The following DRC9 variants were observed in gnomAD, a reference collection of about 807,000 sequenced individuals.
The protein encoded by DRC9 is dynein regulatory complex subunit 9.
chr3:197,932,290 GCTGAAAAACTGCCTGTAAGGAGAA>G, the DRC9 span: 2 of 1,609,208 alleles, frequency 1.2e-6, no homozygotes, highest in Non-Finnish European at 1.7e-6. Flanking sequence ...CAATCACATC[GCTGAAAAACTGCCTGTAAGGAGAA>G]ACAGACCAAC....
the DRC9 span, among the ~76,000 whole-genome samples, chr3:197,923,829 G>A: frequency 6.6e-6 from 1 of 152,172 alleles, no homozygotes; most frequent in Non-Finnish European, 1.5e-5. Flanking sequence ...TGCTTTGAGA[G>A]GCCAAGGAGG....
At chr3:197,950,926 T>C in the DRC9 span, 6 of 1,613,960 alleles carry the variant, frequency 3.7e-6, no homozygotes, top group East Asian at 8.9e-5. Flanking sequence ...ATCTTTTTGT[T>C]TGTTTTAAGG....
At chr3:197,916,644 G>C in the DRC9 span, among the ~76,000 whole-genome samples, 3 of 151,956 alleles carry the variant, frequency 2.0e-5, no homozygotes, top group African/African-American at 7.3e-5. Context: ...AGTGTCACCA[G>C]CATAGCTCAC....
chr3:197,896,819 C>T, the DRC9 span, among the ~76,000 whole-genome samples: 1 of 152,142 alleles, frequency 6.6e-6, no homozygotes, highest in African/African-American at 2.4e-5. Context: ...TGGATTTCAA[C>T]ATATGGATTT....
chr3:197,926,951 C>A, the DRC9 span, among the ~76,000 whole-genome samples: 1 of 152,184 alleles, frequency 6.6e-6, no homozygotes, highest in Non-Finnish European at 1.5e-5. Context: ...GACTAACACA[C>A]TTGCCATGGT....
At chr3:197,925,787 T>A in the DRC9 span, among the ~76,000 whole-genome samples, 2 of 151,966 alleles carry the variant, frequency 1.3e-5, no homozygotes, top group East Asian at 3.9e-4. Flanking sequence ...TTTCACCATG[T>A]TGGCCAGGCT....
chr3:197,953,531 G>GACAC, the DRC9 span: 3 of 457,180 alleles, frequency 6.6e-6, no homozygotes, highest in South Asian at 4.6e-5. Flanking sequence ...TTCCGGCCAG[G>GACAC]ACACACACTC....
At chr3:197,901,326 C>A in the DRC9 span, among the ~76,000 whole-genome samples, 1 of 152,176 alleles carries the variant, frequency 6.6e-6, no homozygotes, top group East Asian at 1.9e-4. This position sits in a 1 kb window ranked among gnomAD's most constrained non-coding sequence, Gnocchi z 4.4. Flanking sequence ...TTAGTAGAGA[C>A]CAGGTTTCAC....
the DRC9 span, chr3:197,932,439 C>T: frequency 1.9e-6 from 1 of 531,028 alleles, no homozygotes; most frequent in Non-Finnish European, 3.2e-6. Context: ...TCAAGACCAT[C>T]CTGGCCAACA....
the DRC9 span, chr3:197,950,152 A>T: frequency 8.1e-7 from 1 of 1,231,068 alleles, no homozygotes; most frequent in African/African-American, 1.5e-5. Flanking sequence ...GAGTCGAAAG[A>T]TGTTTAATCC....
At chr3:197,944,076 A>T in the DRC9 span, 2 of 1,596,100 alleles carry the variant, frequency 1.3e-6, no homozygotes, top group Non-Finnish European at 1.7e-6. Context: ...AAGAAAAAAT[A>T]AGTCAGCAAC....
the DRC9 span, among the ~76,000 whole-genome samples, chr3:197,922,159 G>T: frequency 1.3e-5 from 2 of 152,062 alleles, no homozygotes; most frequent in Non-Finnish European, 2.9e-5. Context: ...GCAGAATCTT[G>T]GTTTCTTAAC....
At chr3:197,922,534 C>T in the DRC9 span, among the ~76,000 whole-genome samples, 1 of 151,900 alleles carries the variant, frequency 6.6e-6, no homozygotes, top group Admixed American at 6.6e-5. Flanking sequence ...GGTGAAACCC[C>T]ATCTCTACTA....
chr3:197,942,526 G>C, the DRC9 span, among the ~76,000 whole-genome samples: 36 of 149,892 alleles, frequency 2.4e-4, no homozygotes, highest in Admixed American at 6.7e-4. Context: ...TTTACTGTTA[G>C]AAATGAAAAG....
chr3:197,953,359 A>G, the DRC9 span: 2 of 443,872 alleles, frequency 4.5e-6, no homozygotes, highest in African/African-American at 4.0e-5. Context: ...CTGGGTGACA[A>G]GACAACCCCG....
chr3:197,933,237 G>C, the DRC9 span, among the ~76,000 whole-genome samples: 1 of 151,532 alleles, frequency 6.6e-6, no homozygotes, highest in African/African-American at 2.4e-5. Flanking sequence ...GCCAAGGTGG[G>C]TGGATCACTT....
At chr3:197,943,821 T>A in the DRC9 span, 1 of 1,614,150 alleles carries the variant, frequency 6.2e-7, no homozygotes, top group Non-Finnish European at 8.5e-7. Context: ...GGGCATGATG[T>A]AGTTCAGAAT....
chr3:197,933,496 A>T, the DRC9 span, among the ~76,000 whole-genome samples: 46 of 152,232 alleles, frequency 3.0e-4, no homozygotes, highest in African/African-American at 8.2e-4. Context: ...CTTTAAAAAA[A>T]TTTTTTTAAA....
At chr3:197,928,169 T>C in the DRC9 span, among the ~76,000 whole-genome samples, 1 of 152,162 alleles carries the variant, frequency 6.6e-6, no homozygotes, top group Non-Finnish European at 1.5e-5. Flanking sequence ...GAGTTAACTA[T>C]CATTGAAATT....
Sources: gnomAD v4.1 joint callset for allele counts (sites outside exome capture counted in the v4.1 genomes callset) on GRCh38, gnomAD v4.1.1 for gene constraint, Gnocchi (gnomAD v3.1) non-coding constraint, MANE v1.5 for transcripts, NCBI Gene and HGNC (gene_info 2026-07-23, HGNC 2026-07-21) for gene names.